ATRNL1: variants seen among roughly 807,000 people sequenced by gnomAD.
ATRNL1 encodes attractin-like protein 1.
ATRNL1 carries 95 observed loss-of-function variants against 182.7 expected under a neutral mutation model. That is an observed-to-expected ratio of 0.52 (90% confidence interval 0.44 to 0.62). ATRNL1 has a LOEUF of 0.62. Among genes scored for constraint, ATRNL1 ranks in the 20% least tolerant of loss-of-function variants. The pLI is 0.00. For missense variants in ATRNL1, 1,471 were observed against 1,679.5 expected, an observed-to-expected ratio of 0.88 and a Z score of 2.17; for synonymous variants, 576 against 568.3, an observed-to-expected ratio of 1.01 and a Z score of -0.19.
intron 26 of ATRNL1, among the ~76,000 whole-genome samples, chr10:115,654,924 T>G (rs1860240533): frequency 6.6e-6 from 1 of 152,190 alleles, no homozygotes; most frequent in African/African-American, 2.4e-5. Flanking sequence ...AATTTCCACT[T>G]CTTGTCTCTT....
intron 27 of ATRNL1, among the ~76,000 whole-genome samples, chr10:115,748,053 T>A (rs942148112): frequency 3.9e-5 from 6 of 151,992 alleles, no homozygotes; most frequent in Non-Finnish European, 7.4e-5. Flanking sequence ...ATACAAACAT[T>A]CAGACCATAG....
chr10:115,729,350 A>G (rs1947714409), intron 27 of ATRNL1, among the ~76,000 whole-genome samples: 2 of 131,288 alleles, frequency 1.5e-5, no homozygotes, highest in Non-Finnish European at 3.4e-5. Context: ...TTTCATTTGC[A>G]ATTTCGCTAT....
At chr10:115,838,537 G>T (rs1347997981) in intron 27 of ATRNL1, among the ~76,000 whole-genome samples, 1 of 152,148 alleles carries the variant, frequency 6.6e-6, no homozygotes, top group Non-Finnish European at 1.5e-5. Context: ...TTTATGTAAA[G>T]AAACAAATAA....
intron 8 of ATRNL1, among the ~76,000 whole-genome samples, chr10:115,184,872 T>C (rs1554888486): frequency 6.6e-6 from 1 of 152,010 alleles, no homozygotes; most frequent in African/African-American, 2.4e-5. Context: ...TTTGACTATG[T>C]GCTCTCAGTC....
intron 5 of ATRNL1, among the ~76,000 whole-genome samples, chr10:115,138,602 A>G (rs1316464385): frequency 1.3e-5 from 2 of 152,184 alleles, no homozygotes; most frequent in African/African-American, 2.4e-5. Context: ...CTTTTTAGCC[A>G]TGGCTGGAGT....
At chr10:115,847,622 G>T (rs782702474) in intron 27 of ATRNL1, among the ~76,000 whole-genome samples, 5 of 152,046 alleles carry the variant, frequency 3.3e-5, no homozygotes, top group Admixed American at 6.6e-5. Flanking sequence ...GGAAACAATT[G>T]GGAAAAAGGA....
chr10:115,255,087 CT>C (rs1214060817), intron 10 of ATRNL1, among the ~76,000 whole-genome samples: 1 of 152,128 alleles, frequency 6.6e-6, no homozygotes, highest in Non-Finnish European at 1.5e-5. Flanking sequence ...CAGCTTTGTT[CT>C]TTTGGCTTAG....
At chr10:115,759,900 G>C (rs1948692014) in intron 27 of ATRNL1, among the ~76,000 whole-genome samples, 1 of 129,540 alleles carries the variant, frequency 7.7e-6, no homozygotes, top group Non-Finnish European at 1.6e-5. Flanking sequence ...TCACCATGTT[G>C]GCAGACTGAT....
At chr10:115,401,125 A>T (rs1368659506) in intron 20 of ATRNL1, among the ~76,000 whole-genome samples, 1 of 152,060 alleles carries the variant, frequency 6.6e-6, no homozygotes, top group African/African-American at 2.4e-5. Flanking sequence ...AGGTTTTCAT[A>T]ATTAATTATT....
chr10:115,207,480 G>A (rs1848844697), intron 8 of ATRNL1, among the ~76,000 whole-genome samples: 1 of 151,740 alleles, frequency 6.6e-6, no homozygotes, highest in Admixed American at 6.6e-5. Context: ...GGCAATAGCA[G>A]GTATAATTTT....
At chr10:115,745,912 G>A (rs1555069051) in intron 27 of ATRNL1, among the ~76,000 whole-genome samples, 1 of 152,082 alleles carries the variant, frequency 6.6e-6, no homozygotes, top group African/African-American at 2.4e-5. Context: ...TATGTAATAT[G>A]TGCTTAAAAA....
At chr10:115,695,137 G>GA (rs1218974571) in intron 26 of ATRNL1, among the ~76,000 whole-genome samples, 1 of 151,188 alleles carries the variant, frequency 6.6e-6, no homozygotes, top group Non-Finnish European at 1.5e-5. Context: ...TAAAAGAAAA[G>GA]AAAAAAAAGA....
At chr10:115,687,740 T>A (rs1946263371) in intron 26 of ATRNL1, among the ~76,000 whole-genome samples, 1 of 152,024 alleles carries the variant, frequency 6.6e-6, no homozygotes, top group African/African-American at 2.4e-5. Context: ...CAGGCAAAAA[T>A]TATATAATGT....
intron 26 of ATRNL1, among the ~76,000 whole-genome samples, chr10:115,595,507 T>G (rs2769397): frequency 0.48 from 72,353 of 151,996 alleles, 18,688 homozygotes; most frequent in East Asian, 0.84. Flanking sequence ...TATGTTAAAT[T>G]TATTAAGGCA....
At chr10:115,443,968 T>G (rs1360142543) in intron 21 of ATRNL1, among the ~76,000 whole-genome samples, 1 of 152,136 alleles carries the variant, frequency 6.6e-6, no homozygotes, top group Non-Finnish European at 1.5e-5. Context: ...AAAAATTGAT[T>G]AAACTACAAT....
chr10:115,251,263 C>T (rs897197757), intron 10 of ATRNL1, among the ~76,000 whole-genome samples: 7 of 152,182 alleles, frequency 4.6e-5, no homozygotes, highest in African/African-American at 1.4e-4. Flanking sequence ...TCTACCCACT[C>T]TCTCTGGAAT....
In ATRNL1 at chr10:115,241,674, T is replaced by C; in HGVS notation, c.1636T>C (p.Leu546=). The C allele has an allele frequency of 1.2e-6, 2 of 1,612,018 alleles. No individual in the cohort carries two copies. The highest frequency in any genetic ancestry group is 1.7e-5 in the Admixed American group (1 of 60,004). ...AGGAAATACCCATAATGACACTTCC[T>C]TGAGTAACGGTGCAAAATGTTTTTC... ...FGGNTHNDTS[L]SNGAKCFSAD... The change falls in exon 10 of 29, where the codon TTG becomes CTG. Residue 546 remains leucine (L), a synonymous_variant. Coordinates refer to ENST00000355044, the MANE Select transcript of ATRNL1 (RefSeq NM_207303.4).
At chr10:115,454,905 T>G (rs1554968387) in intron 21 of ATRNL1, among the ~76,000 whole-genome samples, 2 of 152,142 alleles carry the variant, frequency 1.3e-5, no homozygotes, top group South Asian at 4.1e-4. Flanking sequence ...TCTTGCCTAA[T>G]TGCTCTGGAC....
Position 115,608,034 on chromosome 10 carries a change from G to A in ATRNL1, c.3795+58498G>A, listed in dbSNP as rs185711227. Among the ~76,000 whole-genome samples, 627 of 151,936 alleles carry A rather than the reference G, an allele frequency of 4.1e-3. 16 individuals are homozygous for A. Among genetic ancestry groups the A allele is most frequent in the Admixed American group, 0.036 (546 of 15,240 alleles). On this transcript the variant is annotated intron_variant, in intron 26 of 28. Transcript: ENST00000355044. ...TTACATGGGATAATTACATTTTATCGGTTAAATAGGAACCAGTATATATGC... is the reference window on the plus strand; with the variant it reads ...TTACATGGGATAATTACATTTTATCAGTTAAATAGGAACCAGTATATATGC...
Sources: gnomAD v4.1 joint callset for allele counts (sites outside exome capture counted in the v4.1 genomes callset) on GRCh38, gnomAD v4.1.1 for gene constraint, MANE v1.5 for transcripts, NCBI Gene and HGNC (gene_info 2026-07-23, HGNC 2026-07-21) for gene names.